The following LMBR1L variants were observed in gnomAD, a reference collection of about 807,000 sequenced individuals.
LMBR1L encodes limb development membrane protein 1 like, also known as protein LMBR1L.
LMBR1L carries 47 observed loss-of-function variants against 67.3 expected under a neutral mutation model. The ratio of observed to expected loss-of-function variants is 0.70; its 90% confidence interval spans 0.55 to 0.89. The LOEUF (loss-of-function observed/expected upper bound fraction) is 0.89, where lower values mean the gene tolerates loss of function less well. Among genes scored for constraint, LMBR1L ranks in the 40% least tolerant of loss-of-function variants. LMBR1L has a pLI of 0.00. For missense variants in LMBR1L, 533 were observed against 599.2 expected (o/e 0.89, Z 1.15); for synonymous variants, 247 against 250.3 (o/e 0.99, Z 0.13).
At position 49,097,927 on chromosome 12, in the gene LMBR1L, C is replaced by A. The variant is rs1939603462; in HGVS notation, c.1402+17G>T. 6.2e-7 allele frequency: 1 copy of A among 1,605,662 alleles called. No homozygotes were observed. The highest frequency in any genetic ancestry group is 8.5e-7 in the Non-Finnish European group (1 of 1,173,480). ...GATTACCACCCCCCACTAGCCTGCACCCTCACTCCCTCTCACCAAAGGCCC... is the reference window on the plus strand; with the variant it reads ...GATTACCACCCCCCACTAGCCTGCAACCTCACTCCCTCTCACCAAAGGCCC... On this transcript the variant is annotated intron_variant, in intron 16 of 16. Coordinates refer to ENST00000267102, the MANE Select transcript of LMBR1L (RefSeq NM_018113.4).
At position 49,100,412 on chromosome 12, in the gene LMBR1L, G is replaced by A; in HGVS notation, c.1216C>T (p.Leu406Phe). The A allele has an allele frequency of 6.2e-7, 1 of 1,613,976 alleles. No individual in the cohort carries two copies. Among genetic ancestry groups the A allele is most frequent in the Non-Finnish European group, 8.5e-7 (1 of 1,179,804 alleles). Residue 406 changes from leucine to phenylalanine, a missense_variant, in exon 15 of 17, where the codon CTT (leucine) becomes TTT (phenylalanine). By Grantham distance (22) the Leu-to-Phe change is conservative. Around this residue, in one of 3 missense-constraint regions of LMBR1L, gnomAD observed 223 missense variants for 241.2 expected, o/e 0.92. Coordinates refer to ENST00000267102, the MANE Select transcript of LMBR1L (RefSeq NM_018113.4). ...CVCLLVLSSA[L>F]PVFSRTLGLT... ...CCCAGGGTTCGAGAGAAGACAGGAAGTGCTGAGCTTAGGACCAGGAGACAG... is the reference window on the plus strand; with the variant it reads ...CCCAGGGTTCGAGAGAAGACAGGAAATGCTGAGCTTAGGACCAGGAGACAG...
intron 6 of LMBR1L, 123 bp downstream of exon 6, chr12:49,103,564 G>T: frequency 8.0e-7 from 1 of 1,251,826 alleles, no homozygotes; most frequent in Non-Finnish European, 1.1e-6. Flanking sequence ...CTATCAGTTT[G>T]AAACTTCAGT....
chr12:49,105,530 C>T (rs1377860195), intron 3 of LMBR1L, among the ~76,000 whole-genome samples: 2 of 152,178 alleles, frequency 1.3e-5, no homozygotes, highest in Non-Finnish European at 2.9e-5. Flanking sequence ...GGAATATGGG[C>T]CTTTCTCCCA....
At chr12:49,102,981 G>A (rs766864605) in intron 7 of LMBR1L, 30 bp from the exon 8 acceptor site, 9 of 1,612,000 alleles carry the variant, frequency 5.6e-6, no homozygotes, top group Non-Finnish European at 7.6e-6. Flanking sequence ...TCACTTGCCA[G>A]ACCCTGCTCT....
At chr12:49,108,253 A>G (rs1209722312) in intron 1 of LMBR1L, among the ~76,000 whole-genome samples, 1 of 147,276 alleles carries the variant, frequency 6.8e-6, no homozygotes, top group Non-Finnish European at 1.5e-5. Context: ...ACAGAGCAAG[A>G]CTCCATCTCA....
At chr12:49,098,470 G>A (rs910097925) in intron 15 of LMBR1L, among the ~76,000 whole-genome samples, 2 of 152,116 alleles carry the variant, frequency 1.3e-5, no homozygotes, top group African/African-American at 4.8e-5. Flanking sequence ...TACTCATCAG[G>A]CTGCTTTGGT....
At chr12:49,100,299 T>C in intron 15 of LMBR1L, 89 bp downstream of exon 15, 1 of 1,001,536 alleles carries the variant, frequency 1.0e-6, no homozygotes, top group Non-Finnish European at 1.6e-6. Context: ...TTGTGGGAAT[T>C]AGAGAAATTA....
At chr12:49,106,581 G>C in intron 2 of LMBR1L, 1 of 1,318,122 alleles carries the variant, frequency 7.6e-7, no homozygotes. Context: ...TCTGGTCCTG[G>C]CTGTGGAAGC....
At position 49,097,565 on chromosome 12, in the gene LMBR1L, C is replaced by T; in HGVS notation, c.*107G>A. The T allele has an allele frequency of 8.8e-7, 1 of 1,140,024 alleles. No homozygotes were observed. The highest frequency in any genetic ancestry group is 1.3e-6 in the Non-Finnish European group (1 of 763,262). The allele number at this position is 1,140,024 out of a possible 1,614,324, so 70.6% of individuals were successfully genotyped here. On this transcript the variant is annotated 3_prime_UTR_variant, in exon 17 of 17. Coordinates refer to ENST00000267102, the MANE Select transcript of LMBR1L (RefSeq NM_018113.4). ...TGGCTCTGCTCCCCTCTGCCACCCA[C>T]CCTCTCAGATTCCAGGTCCTGAGGT...
intron 15 of LMBR1L, 29 bp downstream of exon 15, chr12:49,100,359 T>C (rs1460125842): frequency 1.3e-6 from 2 of 1,586,194 alleles, no homozygotes; most frequent in Non-Finnish European, 8.7e-7. Flanking sequence ...AAAAATCCAA[T>C]TCCTTTATCT....
chr12:49,106,496 G>T, intron 2 of LMBR1L: 1 of 1,047,874 alleles, frequency 9.5e-7, no homozygotes, highest in Non-Finnish European at 1.3e-6. Flanking sequence ...AAGGAAAGCT[G>T]CGATCTGAGC....
In LMBR1L at chr12:49,100,462, G is replaced by A; in HGVS notation, c.1174-8C>T. 1 of 1,613,614 alleles carries A rather than the reference G, an allele frequency of 6.2e-7. No homozygotes were observed. Among genetic ancestry groups the A allele is most frequent in the Non-Finnish European group, 8.5e-7 (1 of 1,179,472 alleles). ...GACACAGTTCCCAATTATCTGGGTGGAAGCAGGGAAAGGAGAGGTGAGGGT... is the reference window on the plus strand; with the variant it reads ...GACACAGTTCCCAATTATCTGGGTGAAAGCAGGGAAAGGAGAGGTGAGGGT... On this transcript the variant is annotated splice_region_variant and splice_polypyrimidine_tract_variant and intron_variant, in intron 14 of 16. Coordinates refer to ENST00000267102, the MANE Select transcript of LMBR1L (RefSeq NM_018113.4).
intron 15 of LMBR1L, among the ~76,000 whole-genome samples, chr12:49,098,808 T>C (rs563201236): frequency 1.3e-5 from 2 of 152,318 alleles, no homozygotes; most frequent in African/African-American, 4.8e-5. Flanking sequence ...GAGCTGTTTT[T>C]TGTTTTGTTT....
chr12:49,105,942 G>A lies in LMBR1L; in HGVS notation c.173C>T (p.Ala58Val), dbSNP rs866115899. The A allele has an allele frequency of 1.2e-6, 2 of 1,612,788 alleles. No individual in the cohort carries two copies. The highest frequency in any genetic ancestry group is 2.7e-5 in the African/African-American group (2 of 74,874). ...CACTTACGCAATCTTGTTGACGGTG[G>A]CATCTTCATCATCCACTGTAAGAGA... ...AEFTTVDDEDATVNKIALELC... is the reference protein window; with the variant it reads ...AEFTTVDDEDVTVNKIALELC... The change falls in exon 3 of 17, where the codon GCC becomes GTC. Residue 58 changes from alanine (A) to valine (V), a missense_variant. Physicochemically the swap from Ala to Val is moderately conservative, Grantham distance 64 (BLOSUM62 0). Coordinates refer to ENST00000267102, the MANE Select transcript of LMBR1L (RefSeq NM_018113.4).
Position 49,105,952 on chromosome 12 carries a change from C to T in LMBR1L, c.163G>A (p.Asp55Asn), listed in dbSNP as rs1286637225. The change falls in exon 3 of 17, where the codon GAT becomes AAT. Residue 55 changes from aspartate (D) to asparagine (N), a missense_variant. Asp to Asn is a conservative substitution (Grantham distance 23, BLOSUM62 1). Coordinates refer to ENST00000267102, the MANE Select transcript of LMBR1L (RefSeq NM_018113.4). Reference sequence around the variant, plus strand: ...ATCTTGTTGACGGTGGCATCTTCATCATCCACTGTAAGAGACAGAGGCACG... The same window carrying T: ...ATCTTGTTGACGGTGGCATCTTCATTATCCACTGTAAGAGACAGAGGCACG... ...KKPAEFTTVD[D>N]EDATVNKIAL... 1.9e-6 allele frequency: 3 copies of T among 1,613,062 alleles called. No individual in the cohort carries two copies. Among genetic ancestry groups the T allele is most frequent in the Non-Finnish European group, 2.5e-6 (3 of 1,179,668 alleles).
In LMBR1L at chr12:49,102,491, G is replaced by A. The variant is rs746124535; in HGVS notation, c.746C>T (p.Ala249Val). ...ACTACAGATCCTGCGGGTCAGGGCT[G>A]CCTCCTCAAAGGCTGAGCAGTACAG... is the stretch of plus-strand genomic sequence containing the variant. Reference protein sequence around the residue: ...EQLYCSAFEEAALTRRICNPT... With the variant: ...EQLYCSAFEEVALTRRICNPT... Residue 249 changes from alanine to valine, a missense_variant, in exon 9 of 17, where the codon GCA (alanine) becomes GTA (valine). Physicochemically the swap from Ala to Val is moderately conservative, Grantham distance 64. Around this residue, in one of 3 missense-constraint regions of LMBR1L, gnomAD observed 64 missense variants for 109.0 expected, o/e 0.59. Transcript: ENST00000267102. 31 of 1,614,062 alleles carry A rather than the reference G, an allele frequency of 1.9e-5. No homozygotes were observed. Among genetic ancestry groups the A allele is most frequent in the Non-Finnish European group, 2.6e-5 (31 of 1,180,028 alleles).
At chr12:49,103,048 T>A (rs763961502) in intron 7 of LMBR1L, 43 bp downstream of exon 7, 26 of 1,610,320 alleles carry the variant, frequency 1.6e-5, no homozygotes, top group Non-Finnish European at 2.2e-5. Flanking sequence ...GTTACTCTGG[T>A]CCAAGGACCC....
intron 15 of LMBR1L, 47 bp downstream of exon 15, chr12:49,100,341 G>A (rs1565584175): frequency 6.9e-7 from 1 of 1,445,124 alleles, no homozygotes; most frequent in East Asian, 2.3e-5. Flanking sequence ...GCATCAGTAA[G>A]TACTCAAAAA....
chr12:49,097,752 A>G lies in LMBR1L; in HGVS notation c.1403-13T>C. ...AGTCTGTCCAGCCCTGGAGAAGAGGAGATGGGCAGTCAAAAGCAAGTCAAA... is the reference window on the plus strand; with the variant it reads ...AGTCTGTCCAGCCCTGGAGAAGAGGGGATGGGCAGTCAAAAGCAAGTCAAA... On this transcript the variant is annotated splice_polypyrimidine_tract_variant and intron_variant, in intron 16 of 16. Coordinates refer to ENST00000267102, the MANE Select transcript of LMBR1L (RefSeq NM_018113.4). The G allele has an allele frequency of 3.1e-6, 5 of 1,613,974 alleles. No individual in the cohort carries two copies. In the South Asian group the frequency reaches 4.4e-5, roughly 14 times the overall value.
Sources: gnomAD v4.1 joint callset for allele counts (sites outside exome capture counted in the v4.1 genomes callset) on GRCh38, gnomAD v4.1.1 for gene constraint, gnomAD v4.1.1 regional missense constraint, MANE v1.5 for transcripts, NCBI Gene and HGNC (gene_info 2026-07-23, HGNC 2026-07-21) for gene names.